KIF13B: variants seen among roughly 807,000 people sequenced by gnomAD.
KIF13B encodes the protein kinesin-like protein KIF13B.
A neutral mutation model predicts 222.0 loss-of-function variants in KIF13B; 127 were observed. The observed-to-expected ratio is 0.57, with a 90% CI of 0.50 to 0.66. The LOEUF (loss-of-function observed/expected upper bound fraction) is 0.66, where lower values mean the gene tolerates loss of function less well. Ranked by LOEUF, KIF13B falls within the 30% of genes least tolerant of loss-of-function variation. KIF13B has a pLI of 0.00. For synonymous variants in KIF13B, 976 were observed against 919.0 expected (o/e 1.06, Z -1.12); for missense variants, 2,173 against 2,379.0 (o/e 0.91, Z 1.80).
At chr8:29,150,255 A>G (rs568470049) in intron 15 of KIF13B, 42 bp downstream of exon 15, 2 of 1,086,188 alleles carry the variant, frequency 1.8e-6, no homozygotes, top group South Asian at 1.4e-5. Flanking sequence ...TTCAGAGCAC[A>G]ATCTTCAACA....
intron 36 of KIF13B, among the ~76,000 whole-genome samples, chr8:29,094,496 A>G (rs1808434357): frequency 6.6e-6 from 1 of 152,226 alleles, no homozygotes; most frequent in African/African-American, 2.4e-5. Context: ...GACATACATC[A>G]TATGGCCCCA....
intron 29 of KIF13B, among the ~76,000 whole-genome samples, chr8:29,119,489 G>C (rs373464083): frequency 6.6e-6 from 1 of 152,162 alleles, no homozygotes; most frequent in African/African-American, 2.4e-5. Context: ...CCTGGAGCTC[G>C]TGGGCAGACA....
chr8:29,076,734 G>A (rs1302747357), intron 37 of KIF13B, among the ~76,000 whole-genome samples: 1 of 152,246 alleles, frequency 6.6e-6, no homozygotes, highest in Admixed American at 6.5e-5. Context: ...TTCCACAGAA[G>A]GTAAGGGGGC....
At chr8:29,211,249 G>A (rs1814209460) in intron 2 of KIF13B, among the ~76,000 whole-genome samples, 1 of 152,212 alleles carries the variant, frequency 6.6e-6, no homozygotes, top group Non-Finnish European at 1.5e-5. Flanking sequence ...TACCATAGAT[G>A]TGAAGCCCCA....
rs1809726281 is a variant in KIF13B, at chr8:29,118,878, T to C, written c.3650A>G (p.His1217Arg). ...EFFELQIVKQHDGEVKAEASW... is the reference protein window; with the variant it reads ...EFFELQIVKQRDGEVKAEASW... ...TTAGGCTTTCCTTACCTCCCCATCA[T>C]GCTGCTTCACAATCTGCAATTCAAA... The change falls in exon 30 of 40, where the codon CAT becomes CGT. Residue 1217 changes from histidine to arginine, a missense_variant. Coordinates refer to ENST00000524189, the MANE Select transcript of KIF13B (RefSeq NM_015254.4). The C allele has an allele frequency of 1.9e-6, 3 of 1,613,938 alleles. No homozygotes were observed. The highest frequency in any genetic ancestry group is 3.3e-4 in the Middle Eastern group (2 of 6,060).
intron 18 of KIF13B, chr8:29,145,874 CT>C (rs1339798945): frequency 2.0e-5 from 3 of 150,630 alleles, no homozygotes; most frequent in Non-Finnish European, 4.4e-5. Context: ...TGTGATGGGA[CT>C]TTCCCCCTAC....
intron 13 of KIF13B, among the ~76,000 whole-genome samples, chr8:29,158,317 T>C (rs1476001381): frequency 6.6e-6 from 1 of 152,158 alleles, no homozygotes; most frequent in Non-Finnish European, 1.5e-5. Context: ...TAAAAATAAA[T>C]GCACAATCAT....
chr8:29,139,090 C>T (rs1810693909), intron 21 of KIF13B, among the ~76,000 whole-genome samples: 1 of 152,036 alleles, frequency 6.6e-6, no homozygotes. Context: ...ACGAGGTTGA[C>T]CACAGGTGGT....
chr8:29,102,832 G>A (rs546307740), intron 35 of KIF13B, among the ~76,000 whole-genome samples: 15 of 152,296 alleles, frequency 9.8e-5, no homozygotes, highest in African/African-American at 3.6e-4. Flanking sequence ...CTGGGTATTT[G>A]TTCATGCTAT....
At position 29,221,465 on chromosome 8, in the gene KIF13B, TA is replaced by T. The variant is rs758078417; in HGVS notation, c.149+23880del. 5.7e-3 allele frequency among the ~76,000 whole-genome samples: 750 copies of T among 130,438 alleles called. 1 individual carries two copies. Among genetic ancestry groups the T allele is most frequent in the Middle Eastern group, 8.0e-3 (2 of 250 alleles). The allele number at this position is 130,438 out of a possible 152,430, so 85.6% of individuals were successfully genotyped here. A position where few individuals can be genotyped will look rare whatever the true frequency, so the allele number is the denominator to read the frequency against. On this transcript the variant is annotated intron_variant, in intron 2 of 39. Transcript: ENST00000524189. ...GGGCAACAGAGTGAGACCCTGTATT[TA>T]AAAAAAAAAAAAAAGGAAAGAAAAA... is the stretch of plus-strand genomic sequence containing the variant.
At chr8:29,163,616 AG>A (rs1479115056) in intron 12 of KIF13B, among the ~76,000 whole-genome samples, 1 of 152,248 alleles carries the variant, frequency 6.6e-6, no homozygotes, top group Admixed American at 6.5e-5. Context: ...AGTTTGGATT[AG>A]GAAGAAGTAA....
At chr8:29,258,076 C>T (rs550824262) in intron 1 of KIF13B, among the ~76,000 whole-genome samples, 1 of 152,258 alleles carries the variant, frequency 6.6e-6, no homozygotes, top group East Asian at 1.9e-4. Flanking sequence ...TTTCCATCCA[C>T]GGTCCTCCTT....
chr8:29,246,167 G>A (rs1370255691), intron 1 of KIF13B, among the ~76,000 whole-genome samples: 1 of 152,118 alleles, frequency 6.6e-6, no homozygotes, highest in East Asian at 1.9e-4. Flanking sequence ...ATTACTTGAG[G>A]TCAGGAGTTC....
intron 10 of KIF13B, among the ~76,000 whole-genome samples, chr8:29,170,816 G>A (rs1276196278): frequency 1.2e-4 from 18 of 152,332 alleles, no homozygotes; most frequent in Middle Eastern, 3.4e-3. Context: ...AGCGGCTCAC[G>A]CCTGTAATCC....
rs1038358318 is a variant in KIF13B, at chr8:29,139,828, T to C, written c.2613+235A>G. On this transcript the variant is annotated intron_variant, in intron 21 of 39. Transcript: ENST00000524189. The stretch of plus-strand genomic sequence containing the variant: ...TCAGCCACCAGCAGGTCTGGCTCAC[T>C]AGCGGGTGTTTGGAAATGGAGGAGG... Among the ~76,000 whole-genome samples, 9 of 152,272 alleles carry C rather than the reference T, an allele frequency of 5.9e-5. No individual in the cohort carries two copies. In the East Asian group the frequency reaches 1.7e-3, roughly 29 times the overall value.
intron 11 of KIF13B, among the ~76,000 whole-genome samples, chr8:29,165,999 A>C (rs2291455): frequency 0.061 from 9,197 of 151,700 alleles, 578 homozygotes; most frequent in African/African-American, 0.15. Flanking sequence ...TCCTTTTCTG[A>C]CACTCTATTG....
At chr8:29,211,444 G>GGCCAGGAAGGCGGAA (rs377737259) in intron 2 of KIF13B, among the ~76,000 whole-genome samples, 2 of 152,034 alleles carry the variant, frequency 1.3e-5, no homozygotes, top group Admixed American at 1.3e-4. Context: ...TACTTTCCTG[G>GGCCAGGAAGGCGGAA]CCCAGGCCAG....
rs182991160 is a variant in KIF13B, at chr8:29,095,006, T to C, written c.4325-2128A>G. On this transcript the variant is annotated intron_variant, in intron 36 of 39. Coordinates refer to ENST00000524189, the MANE Select transcript of KIF13B (RefSeq NM_015254.4). ...AAAAGAACAGAGCCTCTGTGACCTG[T>C]AGGACAATATTAAACAATCTAACCT... Among the ~76,000 whole-genome samples the C allele has an allele frequency of 3.5e-4, 52 of 149,086 alleles. No individual in the cohort carries two copies. The Middle Eastern group carries it at 0.033, about 94-fold the overall frequency.
At chr8:29,201,607 C>G (rs751765670) in intron 2 of KIF13B, among the ~76,000 whole-genome samples, 3 of 152,218 alleles carry the variant, frequency 2.0e-5, no homozygotes, top group Non-Finnish European at 4.4e-5. Flanking sequence ...AAATCAAATA[C>G]TGAATCCAAA....
Sources: allele counts gnomAD v4.1 joint callset (sites outside exome capture counted in the v4.1 genomes callset), GRCh38; gene constraint gnomAD v4.1.1; transcripts MANE v1.5; gene names NCBI Gene and HGNC (gene_info 2026-07-23, HGNC 2026-07-21).